The following MROH1 variants were observed in gnomAD, a reference collection of about 807,000 sequenced individuals.
The protein encoded by MROH1 is maestro heat-like repeat-containing protein family member 1.
MROH1 carries 117 observed loss-of-function variants against 116.5 expected under a neutral mutation model. The observed-to-expected ratio is 1.00, with a 90% confidence interval of 0.86 to 1.17. MROH1 has a LOEUF of 1.17. Among genes scored for constraint, MROH1 ranks in the 50% most tolerant of loss-of-function variants. The pLI is 0.00. For missense variants in MROH1, 1,873 were observed against 1,338.5 expected, an observed-to-expected ratio of 1.40 and a Z score of -6.23; for synonymous variants, 921 against 583.9, an observed-to-expected ratio of 1.58 and a Z score of -8.32.
chr8:144,261,617 G>C (rs996691969), intron 43 of MROH1, 38 bp from the exon 44 acceptor site: 2 of 702,098 alleles, frequency 2.8e-6, no homozygotes, highest in Non-Finnish European at 5.2e-6. Flanking sequence ...GCATGCCGAG[G>C]TCACAGCCCG....
At chr8:144,259,398 C>T (rs934014225) in intron 37 of MROH1, 44 bp downstream of exon 37, 5 of 714,264 alleles carry the variant, frequency 7.0e-6, no homozygotes, top group Non-Finnish European at 1.0e-5. Flanking sequence ...AGGTGGGGCT[C>T]CTGCTCAGGA....
At chr8:144,221,069 C>G (rs535900407) in intron 13 of MROH1, among the ~76,000 whole-genome samples, 1 of 152,272 alleles carries the variant, frequency 6.6e-6, no homozygotes, top group Admixed American at 6.5e-5. Context: ...CACAGAGCTC[C>G]CAGCCATCCT....
intron 14 of MROH1, among the ~76,000 whole-genome samples, chr8:144,227,882 A>T (rs941547389): frequency 6.8e-6 from 1 of 146,340 alleles, no homozygotes; most frequent in Non-Finnish European, 1.5e-5. Context: ...GAGCCCAGGG[A>T]GTCGAGGCTG....
chr8:144,259,754 G>C (rs1844639285), intron 37 of MROH1, among the ~76,000 whole-genome samples, 157 bp from the exon 38 acceptor site: 1 of 152,214 alleles, frequency 6.6e-6, no homozygotes, highest in African/African-American at 2.4e-5. Flanking sequence ...CGGCACAACA[G>C]GGAGGGGTCG....
intron 14 of MROH1, among the ~76,000 whole-genome samples, chr8:144,228,260 G>A (rs1838184109): frequency 6.6e-6 from 1 of 152,178 alleles, no homozygotes; most frequent in South Asian, 2.1e-4. Flanking sequence ...ACACTATACT[G>A]TAGTATATTA....
chr8:144,252,002 G>A (rs1446747869), intron 33 of MROH1: 12 of 230,756 alleles, frequency 5.2e-5, no homozygotes, highest in East Asian at 1.6e-4. Flanking sequence ...GCCGGGTGCT[G>A]CTGCCCATCC....
chr8:144,155,607 T>C (rs1817840260), intron 1 of MROH1, among the ~76,000 whole-genome samples: 1 of 151,958 alleles, frequency 6.6e-6, no homozygotes, highest in Admixed American at 6.6e-5. Context: ...AACTGTATGA[T>C]GTTAATTACA....
chr8:144,166,322 G>A (rs1157603636), intron 3 of MROH1, among the ~76,000 whole-genome samples: 2 of 152,218 alleles, frequency 1.3e-5, no homozygotes, highest in Non-Finnish European at 2.9e-5. Context: ...CAGCATTGCC[G>A]GTGTAGTAGA....
intron 12 of MROH1, among the ~76,000 whole-genome samples, chr8:144,201,727 A>C (rs752163104): frequency 6.6e-6 from 1 of 152,138 alleles, no homozygotes; most frequent in Non-Finnish European, 1.5e-5. Context: ...ACAAAGCAGC[A>C]GGGCCGGCCG....
chr8:144,198,340 G>A (rs1830400389), intron 10 of MROH1, among the ~76,000 whole-genome samples: 1 of 152,212 alleles, frequency 6.6e-6, no homozygotes, highest in Admixed American at 6.5e-5. Flanking sequence ...CTGAATTAGT[G>A]GGGGTGTGCT....
At chr8:144,198,047 CAAAAAA>C (rs11366876) in intron 10 of MROH1, among the ~76,000 whole-genome samples, 1 of 116,822 alleles carries the variant, frequency 8.6e-6, no homozygotes, top group African/African-American at 3.3e-5. Context: ...AAAACTGTTT[CAAAAAA>C]AAAAAAAAAA....
At chr8:144,168,876 C>A (rs1186999405) in intron 4 of MROH1, among the ~76,000 whole-genome samples, 3 of 152,212 alleles carry the variant, frequency 2.0e-5, no homozygotes, top group African/African-American at 4.8e-5. Context: ...TCTTCCTGCA[C>A]CCTCAGGGAG....
chr8:144,236,636 G>A (rs1004695034), intron 14 of MROH1, among the ~76,000 whole-genome samples: 16 of 151,744 alleles, frequency 1.1e-4, no homozygotes, highest in African/African-American at 1.9e-4. Context: ...TCAGCTACTC[G>A]GGAGGCTGAG....
At position 144,193,914 on chromosome 8, in the gene MROH1, C is replaced by T. The variant is rs563830428; in HGVS notation, c.948+1513C>T. Among the ~76,000 whole-genome samples the T allele has an allele frequency of 1.3e-4, 19 of 151,846 alleles. No homozygotes were observed. In the East Asian group the frequency reaches 2.4e-3, roughly 19 times the overall value. ...ATGAGCCACGGAGCCCAGCCAAGAC[C>T]GTGCTTTTCAAAACACCTTATGCGG... On this transcript the variant is annotated intron_variant, in intron 10 of 43. Coordinates refer to ENST00000326134, the MANE Select transcript of MROH1 (RefSeq NM_032450.3).
chr8:144,206,676 G>T (rs970906617), intron 12 of MROH1, among the ~76,000 whole-genome samples: 3 of 151,114 alleles, frequency 2.0e-5, no homozygotes, highest in African/African-American at 4.9e-5. Flanking sequence ...CACCCGCCTC[G>T]GTCTCCCAAA....
intron 32 of MROH1, among the ~76,000 whole-genome samples, chr8:144,249,907 G>A (rs1459114155): frequency 2.0e-5 from 3 of 152,210 alleles, no homozygotes; most frequent in Admixed American, 2.0e-4. Flanking sequence ...TGGGGCCGCT[G>A]GCTCTGTTGG....
intron 10 of MROH1, among the ~76,000 whole-genome samples, chr8:144,193,684 C>T (rs1829172420): frequency 6.6e-6 from 1 of 152,126 alleles, no homozygotes; most frequent in Non-Finnish European, 1.5e-5. Flanking sequence ...TCTCGGCTCA[C>T]TGCAACCTCT....
chr8:144,218,172 T>C (rs1292881252), intron 12 of MROH1, among the ~76,000 whole-genome samples: 1 of 152,252 alleles, frequency 6.6e-6, no homozygotes, highest in Non-Finnish European at 1.5e-5. Context: ...CTCTTGGCAG[T>C]TTGCTGTCAT....
intron 1 of MROH1, among the ~76,000 whole-genome samples, chr8:144,151,459 G>A (rs966765469): frequency 4.6e-5 from 7 of 152,168 alleles, no homozygotes; most frequent in South Asian, 2.1e-4. Context: ...CAGGGCAGTC[G>A]GAGGAGAGCT....
Sources: gnomAD v4.1 joint callset for allele counts (sites outside exome capture counted in the v4.1 genomes callset) on GRCh38, gnomAD v4.1.1 for gene constraint, MANE v1.5 for transcripts, NCBI Gene and HGNC (gene_info 2026-07-23, HGNC 2026-07-21) for gene names.